The following NF1 variants were observed in gnomAD, a reference collection of about 807,000 sequenced individuals.
NF1 encodes neurofibromin.
A neutral mutation model predicts 325.7 loss-of-function variants in NF1; 122 were observed. The observed-to-expected ratio is 0.37, with a 90% CI of 0.32 to 0.44. The LOEUF (loss-of-function observed/expected upper bound fraction) is 0.44, where lower values mean the gene tolerates loss of function less well. Ranked by LOEUF, NF1 falls within the 20% of genes least tolerant of loss-of-function variation. The pLI, the probability that NF1 is intolerant of heterozygous loss-of-function variation, is 1.00. For synonymous variants in NF1, 1,091 were observed against 1,186.0 expected (o/e 0.92, Z 1.65); for missense variants, 2,140 against 3,415.4 (o/e 0.63, Z 9.31).
At position 31,258,972 on chromosome 17, in the gene NF1, A is replaced by G. The variant is rs1254069959; in HGVS notation, c.4333-60A>G. On this transcript the variant is annotated intron_variant, in intron 32 of 57. Transcript: ENST00000358273. ...AATTCATGTTTTTAAAGAATGTCTT[A>G]ATGTATAGACTTCATACAATAAATA... 3.6e-6 allele frequency: 4 copies of G among 1,116,846 alleles called. No homozygotes were observed. The South Asian group carries it at 5.7e-5, about 16-fold the overall frequency. 69.2% of individuals were successfully genotyped at this position (1,116,846 alleles called of 1,614,324 possible).
chr17:31,371,062 C>T (rs2070627469), intron 57 of NF1, among the ~76,000 whole-genome samples: 1 of 152,106 alleles, frequency 6.6e-6, no homozygotes, highest in South Asian at 2.1e-4. Flanking sequence ...TTATACCACT[C>T]TCTGGAGATC....
chr17:31,299,742 A>G (rs535285512), intron 36 of NF1: 10 of 152,142 alleles, frequency 6.6e-5, no homozygotes, highest in Non-Finnish European at 1.5e-4. Context: ...AAATAACAAC[A>G]TAGAAATTAC....
intron 39 of NF1, chr17:31,331,293 A>G (rs2069480081): frequency 6.7e-6 from 1 of 149,872 alleles, no homozygotes; most frequent in African/African-American, 2.5e-5. Context: ...ATAAATATTA[A>G]TATGAGAGAA....
rs750213850 is a variant in NF1 at position 31,258,400 on chromosome 17, C to T, written c.4230C>T (p.Phe1410=). Residue 1410 remains phenylalanine, a synonymous_variant, in exon 32 of 58, where the codon TTC becomes TTT. Coordinates refer to ENST00000358273, the MANE Select transcript of NF1 (RefSeq NM_001042492.3). The stretch of plus-strand genomic sequence containing the variant: ...TCGGTGCAGTAGGAAGTGCCATGTT[C>T]CTCAGATTTATCAATCCTGCCATTG... ...NSIGAVGSAM[F]LRFINPAIVS... The T allele has an allele frequency of 3.7e-5, 59 of 1,613,794 alleles. No homozygotes were observed. Among genetic ancestry groups the T allele is most frequent in the Non-Finnish European group, 4.6e-5 (54 of 1,179,902 alleles).
At position 31,106,081 on chromosome 17, in the gene NF1, A is replaced by G. The variant is rs17879842; in HGVS notation, c.60+10712A>G. Among the ~76,000 whole-genome samples the G allele has an allele frequency of 2.0e-4, 31 of 152,284 alleles. No homozygotes were observed. The South Asian group carries it at 6.2e-3, about 31-fold the overall frequency. On this transcript the variant is annotated intron_variant, in intron 1 of 57. Coordinates refer to ENST00000358273, the MANE Select transcript of NF1 (RefSeq NM_001042492.3). ...ACGGTTTCTCTTGGGTAGTTCTCAT[A>G]GTAGTTTGGGCATGAGAAAACAACT...
intron 36 of NF1, among the ~76,000 whole-genome samples, chr17:31,310,249 A>T (rs1479192396): frequency 1.3e-5 from 2 of 152,216 alleles, no homozygotes; most frequent in African/African-American, 4.8e-5. Context: ...AGAAATACAA[A>T]ATAACACAAA....
intron 5 of NF1, among the ~76,000 whole-genome samples, chr17:31,170,520 A>C (rs77385051): frequency 6.6e-6 from 1 of 152,196 alleles, no homozygotes; most frequent in Non-Finnish European, 1.5e-5. Flanking sequence ...TTAACCTTCC[A>C]TTGCCGGTTT....
chr17:31,187,985 G>A (rs746697538), intron 8 of NF1, among the ~76,000 whole-genome samples: 7 of 152,162 alleles, frequency 4.6e-5, no homozygotes, highest in Non-Finnish European at 8.8e-5. Context: ...CCATAGCGGA[G>A]GTAAAGAAGA....
intron 1 of NF1, chr17:31,136,189 TGTG>T (rs1327736774): frequency 6.6e-6 from 1 of 151,442 alleles, no homozygotes; most frequent in African/African-American, 2.4e-5. Flanking sequence ...AATAGCCAGG[TGTG>T]GTGGTGGGCG....
chr17:31,284,728 GT>G (rs2068191644), intron 36 of NF1, among the ~76,000 whole-genome samples: 1 of 152,114 alleles, frequency 6.6e-6, no homozygotes, highest in South Asian at 2.1e-4. Context: ...CCGGCCAAAA[GT>G]TTTTTTGAAT....
chr17:31,139,983 G>T (rs1039354203), intron 1 of NF1, among the ~76,000 whole-genome samples: 3 of 152,142 alleles, frequency 2.0e-5, no homozygotes, highest in African/African-American at 7.2e-5. Flanking sequence ...GCAGTAAAAA[G>T]GTGATTGTTG....
intron 27 of NF1, among the ~76,000 whole-genome samples, chr17:31,233,615 A>G (rs2067152153): frequency 6.6e-6 from 1 of 152,216 alleles, no homozygotes; most frequent in South Asian, 2.1e-4. Context: ...TTAAAAATTT[A>G]AGCACTATAT....
chr17:31,308,225 C>T (rs1036210744), intron 36 of NF1, among the ~76,000 whole-genome samples: 2 of 151,796 alleles, frequency 1.3e-5, no homozygotes, highest in Admixed American at 6.6e-5. Flanking sequence ...GCAACCTCTA[C>T]ATCCTGGGTT....
intron 1 of NF1, among the ~76,000 whole-genome samples, chr17:31,114,474 G>A (rs954358616): frequency 5.3e-5 from 8 of 151,704 alleles, no homozygotes; most frequent in Non-Finnish European, 1.2e-4. Context: ...GGAGGCAGAC[G>A]TGGCAGTGAG....
At position 31,151,258 on chromosome 17, in the gene NF1, A is replaced by T. The variant is rs1440813661; in HGVS notation, c.61-4725A>T. ...GTACCCTGTATACCATATAGCCTAG[A>T]GGTGTGGCAGGCTATACTATCTAGG... On this transcript the variant is annotated intron_variant, in intron 1 of 57. Coordinates refer to ENST00000358273, the MANE Select transcript of NF1 (RefSeq NM_001042492.3). Among the ~76,000 whole-genome samples, 30 of 152,130 alleles carry T rather than the reference A, an allele frequency of 2.0e-4. 1 individual carries two copies. The highest frequency in any genetic ancestry group is 2.0e-3 in the Admixed American group (30 of 15,276).
At chr17:31,261,989 G>T in intron 35 of NF1, 132 bp downstream of exon 35, 1 of 806,424 alleles carries the variant, frequency 1.2e-6, no homozygotes. Flanking sequence ...TGCCATGTTT[G>T]GGGAATCCAA....
chr17:31,269,995 G>C (rs1260095155), intron 36 of NF1, among the ~76,000 whole-genome samples: 2 of 152,206 alleles, frequency 1.3e-5, no homozygotes, highest in Non-Finnish European at 2.9e-5. Context: ...AAATTGAATT[G>C]CTGTTACTAG....
rs1567613852 is a variant in NF1, at chr17:31,330,643, G to A, written c.5812+145G>A. ...TCTGATTTTATATCTGTGGTATCCTGTAACTGAAGGAACTCTGAAGGAACT... is the reference window on the plus strand; with the variant it reads ...TCTGATTTTATATCTGTGGTATCCTATAACTGAAGGAACTCTGAAGGAACT... On this transcript the variant is annotated intron_variant, in intron 39 of 57. Transcript: ENST00000358273. 7.6e-6 allele frequency: 5 copies of A among 660,024 alleles called. No homozygotes were observed. In the East Asian group the frequency reaches 1.1e-4, roughly 15 times the overall value. The allele number at this position is 660,024 out of a possible 1,614,324, so 40.9% of individuals were successfully genotyped here. A position where few individuals can be genotyped will look rare whatever the true frequency, so the allele number is the denominator to read the frequency against.
intron 8 of NF1, among the ~76,000 whole-genome samples, chr17:31,185,054 C>G (rs1188281810): frequency 2.0e-5 from 3 of 152,198 alleles, no homozygotes; most frequent in Non-Finnish European, 4.4e-5. Flanking sequence ...AACATCCCCT[C>G]CCTGAGCCAT....
Sources: gnomAD v4.1 joint callset for allele counts (sites outside exome capture counted in the v4.1 genomes callset) on GRCh38, gnomAD v4.1.1 for gene constraint, MANE v1.5 for transcripts, NCBI Gene and HGNC (gene_info 2026-07-23, HGNC 2026-07-21) for gene names.